TRIM28: variants seen among roughly 807,000 people sequenced by gnomAD.
TRIM28 encodes tripartite motif containing 28, also known as transcription intermediary factor 1-beta.
Under a neutral mutation model 87.4 loss-of-function variants are expected in TRIM28, and 8 were observed. That is an observed-to-expected ratio of 0.09 (90% CI 0.05 to 0.17). TRIM28 has a LOEUF of 0.17. TRIM28 is among the 10% of genes least tolerant of loss of function. The pLI is 1.00. For synonymous variants in TRIM28, 601 were observed against 454.3 expected, an observed-to-expected ratio of 1.32 and a Z score of -4.11; for missense variants, 968 against 1,131.8, an observed-to-expected ratio of 0.86 and a Z score of 2.08.
At position 58,549,826 on chromosome 19, in the gene TRIM28, G is replaced by C. The variant is rs762996326; in HGVS notation, c.2072G>C (p.Gly691Ala). ...SLSLDGADST[G>A]VVAKLSPANQ... ...AGCCTGGATGGTGCAGACAGCACTG[G>C]CGTGGTGGCCAAGCTCTCACCAGCC... Residue 691 changes from glycine to alanine, a missense_variant, in exon 14 of 17, where the codon GGC (glycine) becomes GCC (alanine). By Grantham distance (60) the Gly-to-Ala change is moderately conservative. This residue lies in a region of TRIM28 where 192 missense variants were observed against 225.6 expected (regional missense o/e 0.85). Coordinates refer to ENST00000253024, the MANE Select transcript of TRIM28 (RefSeq NM_005762.3). This position sits in a 1 kb window ranked among gnomAD's most constrained non-coding sequence, Gnocchi z 4.4. 1 of 1,612,754 alleles carries C rather than the reference G, an allele frequency of 6.2e-7. No homozygotes were observed. Among genetic ancestry groups the C allele is most frequent in the Non-Finnish European group, 8.5e-7 (1 of 1,178,858 alleles).
rs2053788947 is a variant in TRIM28, at chr19:58,549,091, G to A, written c.1513G>A (p.Val505Ile). The A allele has an allele frequency of 2.5e-6, 4 of 1,614,124 alleles. No individual in the cohort carries two copies. Among genetic ancestry groups the A allele is most frequent in the Non-Finnish European group, 1.7e-6 (2 of 1,180,012 alleles). The change falls in exon 12 of 17, where the codon GTC (valine) becomes ATC (isoleucine). Residue 505 changes from valine (V) to isoleucine (I), a missense_variant. By Grantham distance (29) the Val-to-Ile change is conservative. This residue lies in a region of TRIM28 where 23 missense variants were observed against 56.7 expected (regional missense o/e 0.41). Coordinates refer to ENST00000253024, the MANE Select transcript of TRIM28 (RefSeq NM_005762.3). The surrounding 1 kb of genome is among the most constrained non-coding windows in gnomAD (Gnocchi z 4.4). ...LDLTADSQPP[V>I]FKVFPGSTTE... ...CCTCACAGCTGACAGCCAGCCACCC[G>A]TCTTCAAGGTCTTCCCAGGCAGTAC...
At chr19:58,547,180 A>C (rs1600081145) in intron 3 of TRIM28, 196 bp from the exon 4 acceptor site, 2 of 622,378 alleles carry the variant, frequency 3.2e-6, no homozygotes, top group African/African-American at 1.8e-5. Flanking sequence ...TTTCTCAGCT[A>C]TGTTGGGGCA....
chr19:58,549,858 C>A lies in TRIM28; in HGVS notation c.2104C>A (p.Arg702=). The A allele has an allele frequency of 6.2e-7, 1 of 1,612,300 alleles. No homozygotes were observed. Among genetic ancestry groups the A allele is most frequent in the South Asian group, 1.1e-5 (1 of 91,032 alleles). Reference sequence around the variant, plus strand: ...GGCCAAGCTCTCACCAGCCAACCAGCGGGTGAGGGCTGGGGTTACTTAGGT... The same window carrying A: ...GGCCAAGCTCTCACCAGCCAACCAGAGGGTGAGGGCTGGGGTTACTTAGGT... ...VVAKLSPANQ[R]KCERVLLALF... is the part of the protein sequence containing the mutation. Residue 702 remains arginine (R), a splice_region_variant and synonymous_variant, in exon 14 of 17, where the codon CGG becomes AGG. Coordinates refer to ENST00000253024, the MANE Select transcript of TRIM28 (RefSeq NM_005762.3). This position sits in a 1 kb window ranked among gnomAD's most constrained non-coding sequence, Gnocchi z 4.4.
intron 11 of TRIM28, 34 bp from the exon 12 acceptor site, chr19:58,548,954 G>T (rs1227921492): frequency 6.2e-7 from 1 of 1,614,050 alleles, no homozygotes; most frequent in Non-Finnish European, 8.5e-7. Context: ...ATGGAGGGTG[G>T]GGGTGTACTC....
chr19:58,546,335 T>C (rs2053761039), intron 3 of TRIM28, among the ~76,000 whole-genome samples: 1 of 152,148 alleles, frequency 6.6e-6, no homozygotes, highest in Admixed American at 6.5e-5. Flanking sequence ...TTGGAAGTGT[T>C]TTAGCTTTTG....
Position 58,544,642 on chromosome 19 carries a change from C to T in TRIM28, c.-116C>T, listed in dbSNP as rs1331449632. 3.1e-6 allele frequency: 1 copy of T among 318,308 alleles called. No individual in the cohort carries two copies. The highest frequency in any genetic ancestry group is 4.5e-6 in the Non-Finnish European group (1 of 222,078). 19.7% of individuals were successfully genotyped at this position (318,308 alleles called of 1,614,324 possible). A position where few individuals can be genotyped will look rare whatever the true frequency, so the allele number is the denominator to read the frequency against. On this transcript the variant is annotated 5_prime_UTR_variant, in exon 1 of 17. Transcript: ENST00000253024. ...GGCCCAGGAGGCGCGTGGCGGCGCT[C>T]GGCCTCGCGGCGGCGGCGGCGGCAG...
intron 1 of TRIM28, 76 bp downstream of exon 1, chr19:58,545,173 T>C (rs2053749902): frequency 7.7e-7 from 1 of 1,302,652 alleles, no homozygotes; most frequent in Admixed American, 3.2e-5. Flanking sequence ...GAGATGAGGA[T>C]GCCACCTGGG....
At chr19:58,548,944 A>G (rs1292756974) in intron 11 of TRIM28, 34 bp downstream of exon 11, 2 of 1,613,964 alleles carry the variant, frequency 1.2e-6, no homozygotes, top group Non-Finnish European at 1.7e-6. Flanking sequence ...GGTGAGGTGG[A>G]TGGAGGGTGG....
chr19:58,549,299 C>T lies in TRIM28; in HGVS notation c.1663-32C>T. Reference sequence around the variant, plus strand: ...TGAAGCCTGTAGTCCAGGTCTGGACCCTGTTGAACACCCCTCATCACCACC... The same window carrying T: ...TGAAGCCTGTAGTCCAGGTCTGGACTCTGTTGAACACCCCTCATCACCACC... On this transcript the variant is annotated intron_variant, in intron 12 of 16. Transcript: ENST00000253024. This position sits in a 1 kb window ranked among gnomAD's most constrained non-coding sequence, Gnocchi z 4.4. 6.3e-7 allele frequency: 1 copy of T among 1,579,500 alleles called. No individual in the cohort carries two copies.
At chr19:58,546,352 CAG>C (rs2053761212) in intron 3 of TRIM28, among the ~76,000 whole-genome samples, 1 of 152,204 alleles carries the variant, frequency 6.6e-6, no homozygotes, top group Admixed American at 6.5e-5. Flanking sequence ...TTTGAGTTGG[CAG>C]AGACTTACCC....
rs367798674 is a variant in TRIM28 at position 58,547,998 on chromosome 19, C to T, written c.955-36C>T. 52 of 1,613,240 alleles carry T rather than the reference C, an allele frequency of 3.2e-5. 1 individual carries two copies. In the Middle Eastern group the frequency reaches 4.9e-4, roughly 15 times the overall value. On this transcript the variant is annotated intron_variant, in intron 6 of 16. Coordinates refer to ENST00000253024, the MANE Select transcript of TRIM28 (RefSeq NM_005762.3). ...GAGGAGTGATCCTAGTATTCTTCTG[C>T]CTTCTCTGCTTACCTCATACACCTT...
In TRIM28 at chr19:58,547,394, A is replaced by T. The variant is rs2053770790; in HGVS notation, c.605A>T (p.Asp202Val). The change falls in exon 4 of 17, where the codon GAT (aspartate) becomes GTT (valine). Residue 202 changes from aspartate to valine, a missense_variant. Asp to Val is a radical substitution (Grantham distance 152). This residue lies in a region of TRIM28 where 103 missense variants were observed against 139.0 expected (regional missense o/e 0.74). Coordinates refer to ENST00000253024, the MANE Select transcript of TRIM28 (RefSeq NM_005762.3). ...TCCCCAGGGCCAGCCAAGTCTCGGG[A>T]TGGTGAACGTACTGTCTATTGCAAC... ...VRSTGPAKSRDGERTVYCNVH... is the reference protein window; with the variant it reads ...VRSTGPAKSRVGERTVYCNVH... 6.2e-7 allele frequency: 1 copy of T among 1,613,766 alleles called. No homozygotes were observed. Among genetic ancestry groups the T allele is most frequent in the South Asian group, 1.1e-5 (1 of 91,084 alleles).
chr19:58,548,435 G>A lies in TRIM28; in HGVS notation c.1216+27G>A, dbSNP rs564802300. 33 of 1,614,024 alleles carry A rather than the reference G, an allele frequency of 2.0e-5. No homozygotes were observed. In the East Asian group the frequency reaches 6.5e-4, roughly 32 times the overall value. The stretch of plus-strand genomic sequence containing the variant: ...TGGGTCCCCAGCTTTACCTCACTCT[G>A]TTATTACCCCACGTGCTGCACCTAC... On this transcript the variant is annotated intron_variant, in intron 8 of 16. Coordinates refer to ENST00000253024, the MANE Select transcript of TRIM28 (RefSeq NM_005762.3).
Position 58,545,124 on chromosome 19 carries a change from C to T in TRIM28, c.340+27C>T, listed in dbSNP as rs1255041222. 7 of 1,391,206 alleles carry T rather than the reference C, an allele frequency of 5.0e-6. No homozygotes were observed. In the East Asian group the frequency reaches 1.1e-4, roughly 22 times the overall value. The allele number at this position is 1,391,206 out of a possible 1,614,324, so 86.2% of individuals were successfully genotyped here. A position where few individuals can be genotyped will look rare whatever the true frequency, so the allele number is the denominator to read the frequency against. On this transcript the variant is annotated intron_variant, in intron 1 of 16. Transcript: ENST00000253024. Reference sequence around the variant, plus strand: ...TAAGTACGAAGTGATCGGTGCCACCCCTCCCCCTACTCTCTGCCTTTGATT... The same window carrying T: ...TAAGTACGAAGTGATCGGTGCCACCTCTCCCCCTACTCTCTGCCTTTGATT...
rs1195429428 is a variant in TRIM28, at chr19:58,547,698, A to G, written c.824A>G (p.Lys275Arg). 3 of 1,614,038 alleles carry G rather than the reference A, an allele frequency of 1.9e-6. No homozygotes were observed. Among genetic ancestry groups the G allele is most frequent in the Non-Finnish European group, 8.5e-7 (1 of 1,180,050 alleles). The change falls in exon 5 of 17, where the codon AAG (lysine) becomes AGG (arginine). Residue 275 changes from lysine to arginine, a missense_variant. Transcript: ENST00000253024. ...CATGCAACATTGCAGAAGAGCACCA[A>G]GGAGGTTCGCAGCTCGTAAGTGTGG... ...DKHATLQKST[K>R]EVRSSIRQVS...
chr19:58,550,355 A>G (rs531103442), intron 16 of TRIM28, 22 bp from the exon 17 acceptor site: 2 of 1,612,686 alleles, frequency 1.2e-6, no homozygotes, highest in South Asian at 1.1e-5. Flanking sequence ...CCATTCATCC[A>G]CTGCATTCCT....
At position 58,549,126 on chromosome 19, in the gene TRIM28, C is replaced by T; in HGVS notation, c.1548C>T (p.Asp516=). The T allele has an allele frequency of 1.2e-6, 2 of 1,614,168 alleles. No individual in the cohort carries two copies. Residue 516 remains aspartate, a synonymous_variant, in exon 12 of 17, where the codon GAC becomes GAT. Coordinates refer to ENST00000253024, the MANE Select transcript of TRIM28 (RefSeq NM_005762.3). This position sits in a 1 kb window ranked among gnomAD's most constrained non-coding sequence, Gnocchi z 4.4. ...TCTTCCCAGGCAGTACCACTGAGGA[C>T]TACAACCTTATTGTTATTGAACGTG... ...FKVFPGSTTE[D]YNLIVIERGA...
In TRIM28 at chr19:58,548,390, A is replaced by C. The variant is rs1212225870; in HGVS notation, c.1198A>C (p.Lys400Gln). The change falls in exon 8 of 17, where the codon AAG becomes CAG. Residue 400 changes from lysine (K) to glutamine (Q), a missense_variant. By Grantham distance (53) the Lys-to-Gln change is moderately conservative. This residue lies in a region of TRIM28 where 84 missense variants were observed against 139.9 expected (regional missense o/e 0.60). Coordinates refer to ENST00000253024, the MANE Select transcript of TRIM28 (RefSeq NM_005762.3). ...KFQWDLNAWT[K>Q]SAEAFGKIVA... ...TCAGTGGGACCTCAATGCCTGGACC[A>C]AGAGTGCCGAGGCCTTTGGTGGGTC... 1 of 1,614,134 alleles carries C rather than the reference A, an allele frequency of 6.2e-7. No individual in the cohort carries two copies. Among genetic ancestry groups the C allele is most frequent in the Non-Finnish European group, 8.5e-7 (1 of 1,180,014 alleles).
At position 58,550,020 on chromosome 19, in the gene TRIM28, C is replaced by G. The variant is rs775367153; in HGVS notation, c.2178C>G (p.Asp726Glu). 1 of 1,614,126 alleles carries G rather than the reference C, an allele frequency of 6.2e-7. No homozygotes were observed. Among genetic ancestry groups the G allele is most frequent in the Admixed American group, 1.7e-5 (1 of 60,016 alleles). Reference sequence around the variant, plus strand: ...GCCCCCTGCATCAGCTGGCTACCGACTCCACCTTCTCCCTGGTGAGTCCTA... The same window carrying G: ...GCCCCCTGCATCAGCTGGCTACCGAGTCCACCTTCTCCCTGGTGAGTCCTA... ...PCRPLHQLAT[D>E]STFSLDQPGG... The change falls in exon 15 of 17, where the codon GAC (aspartate) becomes GAG (glutamate). Residue 726 changes from aspartate (D) to glutamate (E), a missense_variant. Asp to Glu is a conservative substitution (Grantham distance 45). This residue lies in a region of TRIM28 where 192 missense variants were observed against 225.6 expected (regional missense o/e 0.85). Coordinates refer to ENST00000253024, the MANE Select transcript of TRIM28 (RefSeq NM_005762.3).
Sources: allele counts gnomAD v4.1 joint callset (sites outside exome capture counted in the v4.1 genomes callset), GRCh38; gene constraint gnomAD v4.1.1; regional missense constraint gnomAD v4.1.1; non-coding constraint Gnocchi (gnomAD v3.1); transcripts MANE v1.5; gene names NCBI Gene and HGNC (gene_info 2026-07-23, HGNC 2026-07-21).